GNAS: variants seen among roughly 807,000 people sequenced by gnomAD.
The protein encoded by GNAS is GNAS complex locus, also known as protein ALEX.
GNAS carries 8 observed loss-of-function variants against 54.5 expected under a neutral mutation model. The observed-to-expected ratio is 0.15, with a 90% CI of 0.09 to 0.26. The LOEUF is 0.26. Among genes scored for constraint, GNAS ranks in the 10% least tolerant of loss-of-function variants. The pLI is 1.00. For synonymous variants in GNAS, 204 were observed against 191.4 expected (o/e 1.07, Z -0.54); for missense variants, 170 against 529.8 (o/e 0.32, Z 6.67).
intron 2 of GNAS, chr20:58,897,937 C>G (rs1211087203): frequency 2.0e-5 from 3 of 152,322 alleles, no homozygotes; most frequent in African/African-American, 7.2e-5. Context: ...TTCTTCCTCC[C>G]TGATCTTGCG....
At chr20:58,890,252 G>GGCC (rs569980417), upstream of GNAS, among the ~76,000 whole-genome samples, 555 of 151,090 alleles carry the variant, frequency 3.7e-3, 9 homozygotes, top group Admixed American at 0.022. Context: ...GATGCCCCGA[G>GGCC]GCCGCCGCCG....
intron 1 of GNAS, chr20:58,855,661 C>A: frequency 2.1e-6 from 1 of 477,134 alleles, no homozygotes. Flanking sequence ...CAGGAACTGC[C>A]GGGGAGGGGC....
At chr20:58,891,987 C>T (rs1395870583) in intron 1 of GNAS, 122 bp downstream of exon 1, 7 of 749,654 alleles carry the variant, frequency 9.3e-6, no homozygotes, top group Middle Eastern at 1.3e-3. Context: ...CGCCCGTTCG[C>T]GGGCTCTGTC....
intron 1 of GNAS, among the ~76,000 whole-genome samples, chr20:58,871,155 G>T (rs377335863): frequency 7.9e-5 from 12 of 152,170 alleles, no homozygotes; most frequent in East Asian, 1.9e-4. Flanking sequence ...AAGAATTGAG[G>T]TTCCCTCCCT....
Position 58,891,459 on chromosome 20 carries a change from C to G in GNAS, c.-268C>G. On this transcript the variant is annotated 5_prime_UTR_variant, in exon 1 of 13. Coordinates refer to ENST00000371085, the MANE Select transcript of GNAS (RefSeq NM_000516.7). The stretch of plus-strand genomic sequence containing the variant: ...GCTCCTGCTCTGGTCCGCCTCGGCC[C>G]GGCGGCGGCCATCAGCCCCCTCGGC... 2.5e-6 allele frequency: 2 copies of G among 786,090 alleles called. No individual in the cohort carries two copies. The highest frequency in any genetic ancestry group is 3.1e-6 in the Non-Finnish European group (2 of 649,638). 48.7% of individuals were successfully genotyped at this position (786,090 alleles called of 1,614,324 possible).
chr20:58,904,554 G>GAGATGGAA (rs550703100), intron 5 of GNAS, among the ~76,000 whole-genome samples: 55 of 152,320 alleles, frequency 3.6e-4, no homozygotes, highest in Admixed American at 1.3e-3. Context: ...AACGGGAAAC[G>GAGATGGAA]AGATGGAAAG....
upstream of GNAS, chr20:58,840,735 C>A: frequency 1.9e-6 from 3 of 1,605,050 alleles, no homozygotes; most frequent in Non-Finnish European, 2.5e-6. The surrounding 1 kb of genome is among the most constrained non-coding windows in gnomAD (Gnocchi z 6.0). Context: ...TCGAAGGAGC[C>A]CAAGGAGGAG....
chr20:58,903,621 C>T lies in GNAS; in HGVS notation c.312+36C>T, dbSNP rs200066108. Reference sequence around the variant, plus strand: ...GCTCCTTGTGCTGTCTGTCTTGTAGCGCCCTCCCAGCCAGTGCTGTTCCCT... The same window carrying T: ...GCTCCTTGTGCTGTCTGTCTTGTAGTGCCCTCCCAGCCAGTGCTGTTCCCT... On this transcript the variant is annotated intron_variant, in intron 4 of 12. Coordinates refer to ENST00000371085, the MANE Select transcript of GNAS (RefSeq NM_000516.7). 3.2e-4 allele frequency: 523 copies of T among 1,613,956 alleles called. 1 individual carries two copies. The highest frequency in any genetic ancestry group is 4.2e-4 in the Non-Finnish European group (500 of 1,179,852).
At chr20:58,880,744 T>C (rs1239839553) in intron 1 of GNAS, among the ~76,000 whole-genome samples, 1 of 152,240 alleles carries the variant, frequency 6.6e-6, no homozygotes, top group Non-Finnish European at 1.5e-5. Context: ...TTTTAGAAAT[T>C]ATCCATCTAT....
At chr20:58,868,911 G>A (rs1420672111) in intron 1 of GNAS, among the ~76,000 whole-genome samples, 3 of 152,152 alleles carry the variant, frequency 2.0e-5, no homozygotes, top group African/African-American at 7.2e-5. Context: ...CGGCTTTTAC[G>A]ATTGACAGCC....
At position 58,842,401 on chromosome 20, in the gene GNAS, C is replaced by G. The variant is rs74936704; in HGVS notation, c.43+1515C>G. 1.4e-3 allele frequency: 574 copies of G among 398,388 alleles called. 2 individuals are homozygous for G. The highest frequency in any genetic ancestry group is 0.011 in the African/African-American group (534 of 48,682). The allele number at this position is 398,388 out of a possible 1,614,324, so 24.7% of individuals were successfully genotyped here. A position where few individuals can be genotyped will look rare whatever the true frequency, so the allele number is the denominator to read the frequency against. On this transcript the variant is annotated intron_variant, in intron 1 of 12. Coordinates refer to the GNAS transcript ENST00000306090. ...TGAATGACGGTCAGGTTCTTAACTC[C>G]TAAGAAAAGGATGATGATAGAAGGA...
intron 1 of GNAS, among the ~76,000 whole-genome samples, chr20:58,894,713 C>T (rs1568990408): frequency 6.6e-6 from 1 of 152,194 alleles, no homozygotes; most frequent in East Asian, 1.9e-4. Flanking sequence ...GCATGTGTTT[C>T]TACTCTTTGA....
chr20:58,898,700 A>G, intron 2 of GNAS: 1 of 599,530 alleles, frequency 1.7e-6, no homozygotes, highest in Non-Finnish European at 3.0e-6. Flanking sequence ...GAGTCTCCAG[A>G]GAGCTCTGTT....
At chr20:58,875,886 G>A (rs1701400820) in intron 1 of GNAS, among the ~76,000 whole-genome samples, 1 of 152,206 alleles carries the variant, frequency 6.6e-6, no homozygotes, top group Admixed American at 6.5e-5. Context: ...AATATAATGT[G>A]AAGGGCATGG....
At chr20:58,880,916 A>T (rs2088187208) in intron 1 of GNAS, among the ~76,000 whole-genome samples, 2 of 152,186 alleles carry the variant, frequency 1.3e-5, no homozygotes, top group South Asian at 4.1e-4. Flanking sequence ...AACTGAGTGG[A>T]TGTATAGTTA....
In GNAS at chr20:58,841,738, G is replaced by A; in HGVS notation, c.43+852G>A. 8.2e-7 allele frequency: 1 copy of A among 1,226,842 alleles called. No individual in the cohort carries two copies. Among genetic ancestry groups the A allele is most frequent in the African/African-American group, 1.6e-5 (1 of 64,474 alleles). The allele number at this position is 1,226,842 out of a possible 1,614,324, so 76.0% of individuals were successfully genotyped here. On this transcript the variant is annotated intron_variant, in intron 1 of 12. Coordinates refer to the GNAS transcript ENST00000306090. This position sits in a 1 kb window ranked among gnomAD's most constrained non-coding sequence, Gnocchi z 5.0. The stretch of plus-strand genomic sequence containing the variant: ...ACGGGCTACCAGGGTTGAACGCACA[G>A]GCATGGTCACGTCGGGGTATTGCCA...
At chr20:58,904,520 G>A (rs2090912199) in intron 5 of GNAS, among the ~76,000 whole-genome samples, 1 of 152,222 alleles carries the variant, frequency 6.6e-6, no homozygotes, top group South Asian at 2.1e-4. Flanking sequence ...GCCCCTTCGT[G>A]GGGAGAATGG....
chr20:58,849,823 T>C (rs911596103), intron 1 of GNAS, among the ~76,000 whole-genome samples: 5 of 152,236 alleles, frequency 3.3e-5, no homozygotes, highest in Non-Finnish European at 7.3e-5. Context: ...GCATAACCCC[T>C]TTCCTTTGTT....
intron 2 of GNAS, among the ~76,000 whole-genome samples, chr20:58,896,067 C>T (rs1200184321): frequency 6.6e-6 from 1 of 152,166 alleles, no homozygotes. Flanking sequence ...CCCCCTCGTC[C>T]GGCCCACGCT....
Sources: gnomAD v4.1 joint callset for allele counts (sites outside exome capture counted in the v4.1 genomes callset) on GRCh38, gnomAD v4.1.1 for gene constraint, Gnocchi (gnomAD v3.1) non-coding constraint, MANE v1.5 for transcripts, NCBI Gene and HGNC (gene_info 2026-07-23, HGNC 2026-07-21) for gene names.